TNIK: variants seen among roughly 807,000 people sequenced by gnomAD.
TNIK encodes the protein TRAF2 and NCK interacting kinase, also known as TRAF2 and NCK-interacting protein kinase.
Under a neutral mutation model 191.3 loss-of-function variants are expected in TNIK, and 49 were observed. The ratio of observed to expected loss-of-function variants is 0.26; its 90% CI spans 0.20 to 0.32. TNIK has a LOEUF of 0.32. Ranked by LOEUF, TNIK falls within the 10% of genes least tolerant of loss-of-function variation. The probability of loss-of-function intolerance (pLI) is 1.00; values close to 1 mark genes in which losing one functional copy is unlikely to be tolerated. For synonymous variants in TNIK, 594 were observed against 600.9 expected, an observed-to-expected ratio of 0.99 and a Z score of 0.17; for missense variants, 1,155 against 1,702.3, an observed-to-expected ratio of 0.68 and a Z score of 5.66.
intron 2 of TNIK, among the ~76,000 whole-genome samples, chr3:171,285,158 A>G (rs1750876266): frequency 6.6e-6 from 1 of 152,230 alleles, no homozygotes; most frequent in Non-Finnish European, 1.5e-5. Context: ...TTTATTTTCC[A>G]TGGACAGGAA....
chr3:171,251,507 G>A (rs1746222592), intron 2 of TNIK, among the ~76,000 whole-genome samples: 1 of 152,190 alleles, frequency 6.6e-6, no homozygotes, highest in Admixed American at 6.5e-5. Flanking sequence ...TGGGCAAGTT[G>A]GCTGGGGCTG....
At chr3:171,077,993 T>TA (rs1168047292) in intron 28 of TNIK, among the ~76,000 whole-genome samples, 1 of 152,180 alleles carries the variant, frequency 6.6e-6, no homozygotes, top group Non-Finnish European at 1.5e-5. Flanking sequence ...TATTGTCTTT[T>TA]AAGCTTCTAT....
chr3:171,098,546 C>G (rs868072771), intron 22 of TNIK, among the ~76,000 whole-genome samples: 9 of 152,272 alleles, frequency 5.9e-5, no homozygotes, highest in Middle Eastern at 6.8e-3. Context: ...AAAACCAGCA[C>G]AGTGCATAGA....
intron 20 of TNIK, 71 bp from the exon 21 acceptor site, chr3:171,107,277 A>G: frequency 4.0e-6 from 6 of 1,484,714 alleles, no homozygotes; most frequent in Non-Finnish European, 5.5e-6. Context: ...GCAGCAGATT[A>G]GACACAAAAT....
intron 2 of TNIK, among the ~76,000 whole-genome samples, chr3:171,280,121 T>C (rs775879719): frequency 2.8e-4 from 42 of 152,224 alleles, no homozygotes; most frequent in Non-Finnish European, 8.8e-5. Flanking sequence ...CTCCCGGCTA[T>C]GTGGCACTCA....
intron 1 of TNIK, among the ~76,000 whole-genome samples, chr3:171,386,040 C>T (rs1302788769): frequency 1.3e-5 from 2 of 152,276 alleles, no homozygotes; most frequent in East Asian, 1.9e-4. Context: ...CAGCTATGCT[C>T]CTGCTCCTTC....
intron 2 of TNIK, among the ~76,000 whole-genome samples, chr3:171,299,376 G>A (rs1752661055): frequency 6.6e-6 from 1 of 152,094 alleles, no homozygotes; most frequent in Non-Finnish European, 1.5e-5. Context: ...TCTTGATTTT[G>A]CTGTCTGTGT....
At chr3:171,225,765 T>A in intron 3 of TNIK, 1 of 371,974 alleles carries the variant, frequency 2.7e-6, no homozygotes, top group Non-Finnish European at 5.3e-6. Flanking sequence ...TTGTTCAGAG[T>A]CATACTTTGA....
chr3:171,141,790 C>T (rs1202093361), intron 12 of TNIK, among the ~76,000 whole-genome samples: 1 of 152,164 alleles, frequency 6.6e-6, no homozygotes, highest in Non-Finnish European at 1.5e-5. Flanking sequence ...TTTCTTTTTC[C>T]TCATATATGA....
intron 1 of TNIK, among the ~76,000 whole-genome samples, chr3:171,424,480 TG>T (rs1190364772): frequency 1.3e-5 from 2 of 152,196 alleles, no homozygotes; most frequent in Admixed American, 6.5e-5. Flanking sequence ...ATCCCATTAC[TG>T]GGTATATACC....
chr3:171,123,711 A>C lies in TNIK; in HGVS notation c.2014-9T>G. On this transcript the variant is annotated splice_polypyrimidine_tract_variant and intron_variant, in intron 17 of 32. Coordinates refer to ENST00000436636, the MANE Select transcript of TNIK (RefSeq NM_015028.4). ...GTTGTTCTTTGAGGCACCTGGAAGA[A>C]ACCAGAATTCAGAAATATTTTCCAT... The C allele has an allele frequency of 3.9e-6, 6 of 1,551,598 alleles. No individual in the cohort carries two copies. Among genetic ancestry groups the C allele is most frequent in the Non-Finnish European group, 5.2e-6 (6 of 1,146,750 alleles).
At chr3:171,178,836 C>T (rs1352275669) in intron 7 of TNIK, among the ~76,000 whole-genome samples, 2 of 152,172 alleles carry the variant, frequency 1.3e-5, no homozygotes, top group African/African-American at 2.4e-5. Flanking sequence ...CTATTGCCAT[C>T]AAACAAATGT....
At chr3:171,352,906 TTTGA>T in intron 2 of TNIK, among the ~76,000 whole-genome samples, 1 of 152,298 alleles carries the variant, frequency 6.6e-6, no homozygotes, top group East Asian at 1.9e-4. Context: ...ATCAAAGTTA[TTTGA>T]TTGACCCAAG....
intron 1 of TNIK, among the ~76,000 whole-genome samples, chr3:171,425,894 A>C (rs1724499666): frequency 6.6e-6 from 1 of 152,126 alleles, no homozygotes; most frequent in Non-Finnish European, 1.5e-5. Context: ...TTAAACATCA[A>C]AATAATCTTG....
chr3:171,312,988 T>C (rs1347967663), intron 2 of TNIK, among the ~76,000 whole-genome samples: 1 of 152,130 alleles, frequency 6.6e-6, no homozygotes, highest in East Asian at 1.9e-4. Flanking sequence ...CTTCTCCACG[T>C]GGATCTCGCA....
At chr3:171,233,911 A>G (rs900878852) in intron 2 of TNIK, among the ~76,000 whole-genome samples, 1 of 152,202 alleles carries the variant, frequency 6.6e-6, no homozygotes, top group South Asian at 2.1e-4. Flanking sequence ...TGGGGTTGTA[A>G]GCAGGAATTA....
At chr3:171,254,792 CTTTAA>C (rs1198978210) in intron 2 of TNIK, among the ~76,000 whole-genome samples, 1 of 152,106 alleles carries the variant, frequency 6.6e-6, no homozygotes, top group Non-Finnish European at 1.5e-5. Context: ...CGACTCGTTC[CTTTAA>C]TTCAATTTCA....
intron 2 of TNIK, among the ~76,000 whole-genome samples, chr3:171,277,387 G>A (rs1301637460): frequency 6.6e-6 from 1 of 152,050 alleles, no homozygotes. Flanking sequence ...GAGATTTGAA[G>A]ATAACATTCA....
intron 1 of TNIK, among the ~76,000 whole-genome samples, chr3:171,399,655 C>T (rs1210926328): frequency 2.0e-5 from 3 of 151,286 alleles, no homozygotes; most frequent in African/African-American, 7.3e-5. Flanking sequence ...AATATTATTA[C>T]CAAAAAACAA....
Sources: allele counts gnomAD v4.1 joint callset (sites outside exome capture counted in the v4.1 genomes callset), GRCh38; gene constraint gnomAD v4.1.1; transcripts MANE v1.5; gene names NCBI Gene and HGNC (gene_info 2026-07-23, HGNC 2026-07-21).